Variants in KLB observed in about 807,000 individuals in gnomAD.
The protein encoded by KLB is klotho beta.
A neutral mutation model predicts 88.4 loss-of-function variants in KLB; 44 were observed. The observed-to-expected ratio is 0.50, with a 90% CI of 0.39 to 0.64. The LOEUF (loss-of-function observed/expected upper bound fraction) is 0.64, where lower values mean the gene tolerates loss of function less well. KLB is among the 30% of genes least tolerant of loss of function. KLB has a pLI of 0.00. For synonymous variants in KLB, 548 were observed against 513.4 expected (o/e 1.07, Z -0.91); for missense variants, 1,137 against 1,304.8 (o/e 0.87, Z 1.98).
At position 39,446,268 on chromosome 4, in the gene KLB, G is replaced by A. The variant is rs1349252548; in HGVS notation, c.1606-64G>A. The A allele has an allele frequency of 4.8e-6, 7 of 1,459,650 alleles. No homozygotes were observed. The African/African-American group carries it at 6.9e-5, about 14-fold the overall frequency. The allele number at this position is 1,459,650 out of a possible 1,614,324, so 90.4% of individuals were successfully genotyped here. On this transcript the variant is annotated intron_variant, in intron 3 of 4. Transcript: ENST00000257408. The surrounding 1 kb of genome is among the most constrained non-coding windows in gnomAD (Gnocchi z 6.4). ...CCCAGCACTTTGGGAGGCAGAGGTAGGCAGATCACTTGAGCCTCCATCTGC... is the reference window on the plus strand; with the variant it reads ...CCCAGCACTTTGGGAGGCAGAGGTAAGCAGATCACTTGAGCCTCCATCTGC...
rs540319680 is a variant in KLB, at chr4:39,407,453, C to G, written c.504C>G (p.Asn168Lys). ...LFPDGIVTVA[N>K]AKGLQYYSTL... ...CCGATGGAATAGTAACAGTTGCCAA[C>G]GCAAAAGGTCTGCAGTACTACAGTA... is the stretch of plus-strand genomic sequence containing the variant. The change falls in exon 1 of 5, where the codon AAC (asparagine) becomes AAG (lysine). Residue 168 changes from asparagine (N) to lysine (K), a missense_variant. Asn to Lys is a moderately conservative substitution (Grantham distance 94). Transcript: ENST00000257408. 5 of 1,614,004 alleles carry G rather than the reference C, an allele frequency of 3.1e-6. No individual in the cohort carries two copies. The highest frequency in any genetic ancestry group is 3.4e-6 in the Non-Finnish European group (4 of 1,180,014).
intron 1 of KLB, among the ~76,000 whole-genome samples, chr4:39,410,042 A>T (rs1742806841): frequency 6.6e-6 from 1 of 152,238 alleles, no homozygotes; most frequent in South Asian, 2.1e-4. Context: ...TACTGTTAAT[A>T]GTTTCTTATA....
At chr4:39,437,210 G>A (rs138223196) in intron 2 of KLB, among the ~76,000 whole-genome samples, 315 of 152,284 alleles carry the variant, frequency 2.1e-3, no homozygotes, top group Non-Finnish European at 3.9e-3. Flanking sequence ...CTTTAGCCCA[G>A]CCAGTTCCCA....
chr4:39,437,791 A>G lies in KLB; in HGVS notation c.1401A>G (p.Glu467=), dbSNP rs778525981. The change falls in exon 3 of 5, where the codon GAA becomes GAG. Residue 467 remains glutamate, a synonymous_variant. Transcript: ENST00000257408. The stretch of plus-strand genomic sequence containing the variant: ...CCTGGTCTCTCCTGGATGGCTTTGA[A>G]TGGCAGGATGCTTACACCATCCGCC... The part of the protein sequence containing the change: ...YTAWSLLDGF[E]WQDAYTIRRG... 6.2e-7 allele frequency: 1 copy of G among 1,614,192 alleles called. No homozygotes were observed. The highest frequency in any genetic ancestry group is 1.7e-5 in the Admixed American group (1 of 60,008).
intron 1 of KLB, among the ~76,000 whole-genome samples, chr4:39,426,472 G>A (rs1743220593): frequency 1.3e-5 from 2 of 148,746 alleles, no homozygotes; most frequent in East Asian, 2.0e-4. Context: ...AAAATAGGAT[G>A]GTGAATATTT....
intron 3 of KLB, among the ~76,000 whole-genome samples, chr4:39,443,758 CAAAAAAAAA>C (rs56820388): frequency 9.0e-6 from 1 of 111,102 alleles, no homozygotes; most frequent in Non-Finnish European, 1.8e-5. Context: ...GAGACTTTGT[CAAAAAAAAA>C]AAAAAAAAAA....
At chr4:39,418,534 G>T (rs190970292) in intron 1 of KLB, among the ~76,000 whole-genome samples, 1 of 151,718 alleles carries the variant, frequency 6.6e-6, no homozygotes, top group South Asian at 2.1e-4. Context: ...CACTGTGCCC[G>T]GCCATATCAT....
rs143697134 is a variant in KLB at position 39,433,094 on chromosome 4, G to A, written c.826-1116G>A. Among the ~76,000 whole-genome samples, 1,049 of 152,180 alleles carry A rather than the reference G, an allele frequency of 6.9e-3. 19 individuals carry two copies. Among genetic ancestry groups the A allele is most frequent in the African/African-American group, 0.024 (985 of 41,496 alleles). ...GGTGTTTCACCACGTTGGCCAGGCCGGTCTCAAACTCCTGACCTCAGGTGA... is the reference window on the plus strand; with the variant it reads ...GGTGTTTCACCACGTTGGCCAGGCCAGTCTCAAACTCCTGACCTCAGGTGA... On this transcript the variant is annotated intron_variant, in intron 1 of 4. Transcript: ENST00000257408.
At chr4:39,445,710 C>A (rs1415209945) in intron 3 of KLB, among the ~76,000 whole-genome samples, 2 of 144,454 alleles carry the variant, frequency 1.4e-5, no homozygotes, top group Non-Finnish European at 3.0e-5. Context: ...TTAGTAGAGA[C>A]GGTGTTTCTC....
rs1335063517 is a variant in KLB, at chr4:39,423,643, C to T, written c.826-10567C>T. On this transcript the variant is annotated intron_variant, in intron 1 of 4. Transcript: ENST00000257408. ...CAGAAGCTGTATTATCAATAAGGTA[C>T]GTCAAGTAACCAACAAACTAGCTGA... 6.6e-5 allele frequency among the ~76,000 whole-genome samples: 10 copies of T among 151,642 alleles called. No individual in the cohort carries two copies. The South Asian group carries it at 8.3e-4, about 13-fold the overall frequency.
Position 39,426,125 on chromosome 4 carries a change from AC to A in KLB, c.826-8083del, listed in dbSNP as rs551183041. Among the ~76,000 whole-genome samples the A allele has an allele frequency of 1.8e-3, 269 of 151,950 alleles. 1 individual carries two copies. Among genetic ancestry groups the A allele is most frequent in the Non-Finnish European group, 3.3e-3 (221 of 67,960 alleles). On this transcript the variant is annotated intron_variant, in intron 1 of 4. Transcript: ENST00000257408. Reference sequence around the variant, plus strand: ...AAATCAGCCAGGCGTGGTGTCGGGCACCTGTAGTCCCAGCTACTCAGGAGGC... The same window carrying A: ...AAATCAGCCAGGCGTGGTGTCGGGCACTGTAGTCCCAGCTACTCAGGAGGC...
At chr4:39,416,862 A>G (rs922615606) in intron 1 of KLB, among the ~76,000 whole-genome samples, 1 of 152,218 alleles carries the variant, frequency 6.6e-6, no homozygotes, top group Non-Finnish European at 1.5e-5. Context: ...TTCTTTGCCA[A>G]CGGACTGCTG....
chr4:39,433,154 A>G (rs1351350440), intron 1 of KLB, among the ~76,000 whole-genome samples: 1 of 152,160 alleles, frequency 6.6e-6, no homozygotes, highest in African/African-American at 2.4e-5. Context: ...TGCTGGGATT[A>G]TAGGCATGAG....
chr4:39,416,969 C>T (rs987304067), intron 1 of KLB, among the ~76,000 whole-genome samples: 6 of 152,056 alleles, frequency 3.9e-5, no homozygotes, highest in African/African-American at 1.4e-4. Context: ...CCAAATCCCC[C>T]ACCAATGTCT....
chr4:39,438,433 T>G (rs1743528421), intron 3 of KLB, among the ~76,000 whole-genome samples: 1 of 152,230 alleles, frequency 6.6e-6, no homozygotes, highest in African/African-American at 2.4e-5. Context: ...TATATCCCAG[T>G]GGAGCCTCCT....
At chr4:39,427,415 A>C (rs1465417225) in intron 1 of KLB, among the ~76,000 whole-genome samples, 4 of 150,004 alleles carry the variant, frequency 2.7e-5, no homozygotes, top group African/African-American at 9.8e-5. Context: ...CCCAGGAGGC[A>C]GAGGCTGCAG....
chr4:39,407,779 T>C lies in KLB; in HGVS notation c.825+5T>C. The stretch of plus-strand genomic sequence containing the variant: ...GTGGGACACAACTTGATCAAGGTAC[T>C]GTACAGCTAGCTTCTTCTTATAGCT... On this transcript the variant is annotated splice_donor_5th_base_variant and intron_variant, in intron 1 of 4. Transcript: ENST00000257408. 1.3e-6 allele frequency: 2 copies of C among 1,493,100 alleles called. No individual in the cohort carries two copies. Among genetic ancestry groups the C allele is most frequent in the Non-Finnish European group, 1.8e-6 (2 of 1,102,652 alleles). 92.5% of individuals were successfully genotyped at this position (1,493,100 alleles called of 1,614,324 possible). A position where few individuals can be genotyped will look rare whatever the true frequency, so the allele number is the denominator to read the frequency against.
At chr4:39,425,215 A>C (rs1288760631) in intron 1 of KLB, among the ~76,000 whole-genome samples, 1 of 152,224 alleles carries the variant, frequency 6.6e-6, no homozygotes, top group Non-Finnish European at 1.5e-5. Context: ...GCTTCATTTA[A>C]TCAAATTATG....
At chr4:39,436,395 G>A (rs1238732893) in intron 2 of KLB, among the ~76,000 whole-genome samples, 2 of 152,184 alleles carry the variant, frequency 1.3e-5, no homozygotes, top group Non-Finnish European at 2.9e-5. Flanking sequence ...TCTGCCTACA[G>A]GGTCTGGGTC....
Sources: gnomAD v4.1 joint callset for allele counts (sites outside exome capture counted in the v4.1 genomes callset) on GRCh38, gnomAD v4.1.1 for gene constraint, Gnocchi (gnomAD v3.1) non-coding constraint, MANE v1.5 for transcripts, NCBI Gene and HGNC (gene_info 2026-07-23, HGNC 2026-07-21) for gene names.